The following NCAM1 variants were observed in gnomAD, a reference collection of about 807,000 sequenced individuals.
NCAM1 encodes the protein antigen recognized by monoclonal antibody 5.1H11.
NCAM1 carries 14 observed loss-of-function variants against 109.8 expected under a neutral mutation model. That is an observed-to-expected ratio of 0.13 (90% CI 0.08 to 0.20). NCAM1 has a LOEUF of 0.20. Ranked by LOEUF, NCAM1 falls within the 10% of genes least tolerant of loss-of-function variation. The pLI is 1.00. For missense variants in NCAM1, 774 were observed against 1,109.9 expected, an observed-to-expected ratio of 0.70 and a Z score of 4.30; for synonymous variants, 418 against 442.9, an observed-to-expected ratio of 0.94 and a Z score of 0.70.
chr11:113,038,963 A>G (rs1952983752), intron 1 of NCAM1, among the ~76,000 whole-genome samples: 1 of 152,188 alleles, frequency 6.6e-6, no homozygotes, highest in Admixed American at 6.5e-5. Flanking sequence ...ATGAATAGAC[A>G]TCGCCAGGGC....
chr11:113,235,679 A>G (rs935775073), intron 14 of NCAM1, among the ~76,000 whole-genome samples: 9 of 152,240 alleles, frequency 5.9e-5, no homozygotes, highest in African/African-American at 2.2e-4. Context: ...GCCAAGGGGA[A>G]GAGGTAGCCC....
Position 113,014,288 on chromosome 11 carries a change from G to C in NCAM1, c.52+52624G>C, listed in dbSNP as rs569266911. ...GCCCTTTGGAAAAAGAGATATCCTA[G>C]CTCAGGGCAAGCCGTTTGATGGAAA... On this transcript the variant is annotated intron_variant, in intron 1 of 19. Transcript: ENST00000316851. Among the ~76,000 whole-genome samples the C allele has an allele frequency of 6.6e-5, 10 of 152,210 alleles. No homozygotes were observed. The South Asian group carries it at 1.0e-3, about 16-fold the overall frequency.
chr11:113,230,257 CA>C (rs782645602), intron 9 of NCAM1, among the ~76,000 whole-genome samples: 1 of 152,180 alleles, frequency 6.6e-6, no homozygotes, highest in Non-Finnish European at 1.5e-5. Flanking sequence ...ATGCATCTTT[CA>C]ACCAACCAGC....
intron 1 of NCAM1, among the ~76,000 whole-genome samples, chr11:113,014,420 G>C (rs1555074979): frequency 1.3e-5 from 2 of 152,096 alleles, no homozygotes; most frequent in Non-Finnish European, 1.5e-5. Flanking sequence ...GAGCCAGCTT[G>C]TAAAGTTATT....
chr11:113,229,047 CA>C (rs1209905462), intron 9 of NCAM1, among the ~76,000 whole-genome samples: 5 of 152,104 alleles, frequency 3.3e-5, no homozygotes, highest in African/African-American at 7.2e-5. Context: ...TCTAAAACAC[CA>C]AAAGCAATGG....
chr11:113,073,751 G>A (rs1219414032), intron 1 of NCAM1, among the ~76,000 whole-genome samples: 3 of 152,194 alleles, frequency 2.0e-5, no homozygotes, highest in African/African-American at 7.2e-5. Context: ...CTGGTGGTGT[G>A]GAGGTGGTGG....
intron 1 of NCAM1, among the ~76,000 whole-genome samples, chr11:113,009,692 C>T (rs1951994852): frequency 6.6e-6 from 1 of 152,054 alleles, no homozygotes; most frequent in African/African-American, 2.4e-5. Context: ...AAAACTTTTC[C>T]AAGACCATGT....
At chr11:113,003,421 T>C (rs1340581331) in intron 1 of NCAM1, among the ~76,000 whole-genome samples, 1 of 152,230 alleles carries the variant, frequency 6.6e-6, no homozygotes, top group Non-Finnish European at 1.5e-5. Flanking sequence ...TTGTCTTGTG[T>C]TGTGTGGCAG....
intron 1 of NCAM1, among the ~76,000 whole-genome samples, chr11:113,139,604 T>A (rs1015642974): frequency 1.3e-5 from 2 of 152,224 alleles, no homozygotes; most frequent in African/African-American, 2.4e-5. Flanking sequence ...ATTACTTTTT[T>A]ATTCTTTAAA....
At chr11:113,142,086 C>T (rs1941851008) in intron 1 of NCAM1, among the ~76,000 whole-genome samples, 1 of 152,154 alleles carries the variant, frequency 6.6e-6, no homozygotes, top group Non-Finnish European at 1.5e-5. Context: ...CACGTTGATT[C>T]TAGTGGTAAC....
intron 1 of NCAM1, among the ~76,000 whole-genome samples, chr11:113,163,417 C>T (rs1942670467): frequency 6.6e-6 from 1 of 152,176 alleles, no homozygotes; most frequent in South Asian, 2.1e-4. Context: ...AATAGGATGT[C>T]ACAGTTTTGA....
intron 18 of NCAM1, among the ~76,000 whole-genome samples, chr11:113,271,135 C>A (rs1047488510): frequency 2.0e-5 from 3 of 151,706 alleles, no homozygotes; most frequent in Non-Finnish European, 4.4e-5. Context: ...TTTGGGAGGC[C>A]GAGATGGATG....
intron 1 of NCAM1, among the ~76,000 whole-genome samples, chr11:113,023,257 G>A (rs1161239526): frequency 6.6e-6 from 1 of 152,168 alleles, no homozygotes. Context: ...TACAAATATT[G>A]GGTAGTTGAT....
intron 1 of NCAM1, among the ~76,000 whole-genome samples, chr11:112,988,950 G>A (rs531554960): frequency 1.8e-3 from 273 of 152,168 alleles, no homozygotes; most frequent in South Asian, 8.1e-3. Context: ...ATTTTCTCAT[G>A]TTGGCCAGGG....
At chr11:113,199,788 A>AT (rs1943982153) in intron 1 of NCAM1, among the ~76,000 whole-genome samples, 1 of 151,060 alleles carries the variant, frequency 6.6e-6, no homozygotes, top group African/African-American at 2.4e-5. Context: ...TATAATAATA[A>AT]AAAAAAGAAT....
intron 17 of NCAM1, among the ~76,000 whole-genome samples, chr11:113,268,470 C>T (rs1946188976): frequency 6.6e-6 from 1 of 152,206 alleles, no homozygotes. Flanking sequence ...GGGAGGCAAG[C>T]CAAGGTCCCA....
chr11:113,240,866 A>G, intron 14 of NCAM1: 2 of 1,598,474 alleles, frequency 1.3e-6, no homozygotes, highest in Non-Finnish European at 1.7e-6. Flanking sequence ...ATCTCTCTGC[A>G]GGTCACTTTC....
At chr11:113,214,563 A>C in intron 8 of NCAM1, 52 bp downstream of exon 8, 1 of 1,541,738 alleles carries the variant, frequency 6.5e-7, no homozygotes, top group East Asian at 2.4e-5. Context: ...CTCAAAGCAG[A>C]TTGAGTCTGC....
intron 8 of NCAM1, 101 bp downstream of exon 8, chr11:113,214,612 A>T (rs1944475481): frequency 4.4e-6 from 6 of 1,365,042 alleles, no homozygotes; most frequent in Non-Finnish European, 5.0e-6. Flanking sequence ...GAGATGGGTT[A>T]TGGTCACCAG....
Sources: gnomAD v4.1 joint callset for allele counts (sites outside exome capture counted in the v4.1 genomes callset) on GRCh38, gnomAD v4.1.1 for gene constraint, MANE v1.5 for transcripts, NCBI Gene and HGNC (gene_info 2026-07-23, HGNC 2026-07-21) for gene names.